FMNL2: variants seen among roughly 807,000 people sequenced by gnomAD.
FMNL2 encodes formin-like protein 2.
FMNL2 carries 51 observed loss-of-function variants against 130.2 expected under a neutral mutation model. The observed-to-expected ratio is 0.39, with a 90% CI of 0.31 to 0.49. The LOEUF (loss-of-function observed/expected upper bound fraction) is 0.49, where lower values mean the gene tolerates loss of function less well. FMNL2 is among the 20% of genes least tolerant of loss of function. The probability of loss-of-function intolerance (pLI) is 0.85; values close to 1 mark genes in which losing one functional copy is unlikely to be tolerated. For synonymous variants in FMNL2, 465 were observed against 467.1 expected (o/e 1.00, Z 0.06); for missense variants, 977 against 1,316.2 (o/e 0.74, Z 3.99).
chr2:152,559,439 G>A (rs1478525744), intron 5 of FMNL2, among the ~76,000 whole-genome samples: 1 of 152,140 alleles, frequency 6.6e-6, no homozygotes, highest in Non-Finnish European at 1.5e-5. Context: ...GAGAAGCTGG[G>A]ATTACAGGCA....
chr2:152,354,131 T>G (rs1284957217), intron 1 of FMNL2, among the ~76,000 whole-genome samples: 1 of 152,168 alleles, frequency 6.6e-6, no homozygotes, highest in Non-Finnish European at 1.5e-5. Context: ...CTAATGGAAG[T>G]GCTAGTGTTT....
intron 1 of FMNL2, among the ~76,000 whole-genome samples, chr2:152,497,266 C>T (rs1691565686): frequency 6.6e-6 from 1 of 152,130 alleles, no homozygotes; most frequent in Non-Finnish European, 1.5e-5. Context: ...AGAATGCTAA[C>T]ACATACCCCA....
At chr2:152,432,449 A>G (rs1234479670) in intron 1 of FMNL2, among the ~76,000 whole-genome samples, 1 of 152,212 alleles carries the variant, frequency 6.6e-6, no homozygotes, top group African/African-American at 2.4e-5. Context: ...ACCAGGAAAC[A>G]CACATGCATG....
chr2:152,627,421 CTAAT>C (rs1306261077), intron 17 of FMNL2, among the ~76,000 whole-genome samples: 1 of 152,172 alleles, frequency 6.6e-6, no homozygotes, highest in Non-Finnish European at 1.5e-5. Flanking sequence ...GTTTTAGGAA[CTAAT>C]TATTTATAAA....
Position 152,558,730 on chromosome 2 carries a change from T to TTTTTC in FMNL2, c.360-10_360-9insTTTTC. 7.0e-6 allele frequency: 11 copies of TTTTTC among 1,562,644 alleles called. No individual in the cohort carries two copies. The highest frequency in any genetic ancestry group is 9.6e-6 in the Non-Finnish European group (11 of 1,143,566). ...TTCTCCAATGATTTTTTTTTTTTTT[T>TTTTTC]CCCCAACAGATGGGTCAGAGAATTT... On this transcript the variant is annotated splice_polypyrimidine_tract_variant and intron_variant, in intron 4 of 25. Transcript: ENST00000288670.
chr2:152,459,026 A>C (rs546485307), intron 1 of FMNL2, among the ~76,000 whole-genome samples: 2 of 152,236 alleles, frequency 1.3e-5, no homozygotes, highest in Non-Finnish European at 2.9e-5. Context: ...ATGGTAAGAC[A>C]GTACAGTTGA....
At chr2:152,389,322 T>G (rs1671438897) in intron 1 of FMNL2, among the ~76,000 whole-genome samples, 1 of 152,162 alleles carries the variant, frequency 6.6e-6, no homozygotes, top group Admixed American at 6.5e-5. Flanking sequence ...TGCTGTATCT[T>G]CATATAGCAG....
chr2:152,430,251 C>T (rs543949383), intron 1 of FMNL2, among the ~76,000 whole-genome samples: 57 of 152,286 alleles, frequency 3.7e-4, no homozygotes, highest in Middle Eastern at 3.4e-3. Context: ...AATGAGTTCT[C>T]ACGTTAGTCC....
chr2:152,358,988 G>A (rs1683004556), intron 1 of FMNL2, among the ~76,000 whole-genome samples: 1 of 152,122 alleles, frequency 6.6e-6, no homozygotes, highest in African/African-American at 2.4e-5. Flanking sequence ...CATCCCCACA[G>A]TGTACACAGA....
chr2:152,468,954 A>G (rs972778968), intron 1 of FMNL2, among the ~76,000 whole-genome samples: 2 of 152,238 alleles, frequency 1.3e-5, no homozygotes, highest in Non-Finnish European at 2.9e-5. Flanking sequence ...ATGATGCATA[A>G]TAGACTCCAC....
At chr2:152,584,595 A>G (rs1035313503) in intron 9 of FMNL2, among the ~76,000 whole-genome samples, 3 of 152,240 alleles carry the variant, frequency 2.0e-5, no homozygotes, top group Non-Finnish European at 4.4e-5. Flanking sequence ...ACCAGATGCT[A>G]GAAAGACATT....
chr2:152,374,120 A>C (rs1432737220), intron 1 of FMNL2, among the ~76,000 whole-genome samples: 1 of 152,194 alleles, frequency 6.6e-6, no homozygotes, highest in African/African-American at 2.4e-5. Flanking sequence ...CATCTCAGTT[A>C]TGTATGTAAT....
At chr2:152,350,673 G>A (rs1467511161) in intron 1 of FMNL2, among the ~76,000 whole-genome samples, 1 of 152,196 alleles carries the variant, frequency 6.6e-6, no homozygotes, top group African/African-American at 2.4e-5. Flanking sequence ...CTACTAGCTT[G>A]TAGCTCAGAT....
chr2:152,588,727 A>G, intron 9 of FMNL2, among the ~76,000 whole-genome samples: 1 of 152,086 alleles, frequency 6.6e-6, no homozygotes, highest in Non-Finnish European at 1.5e-5. Context: ...GGGCATGGGA[A>G]GAGAAAAATT....
At chr2:152,611,345 AAACCATATATATATTTTT>A (rs1351324137) in intron 10 of FMNL2, 132 bp from the exon 11 acceptor site, 1 of 511,052 alleles carries the variant, frequency 2.0e-6, no homozygotes, top group Non-Finnish European at 3.5e-6. Flanking sequence ...TTTCCAAAAA[AAACCATATATATATTTTT>A]AAAGAACCAA....
intron 2 of FMNL2, among the ~76,000 whole-genome samples, chr2:152,540,766 C>T (rs886987918): frequency 6.6e-6 from 1 of 151,788 alleles, no homozygotes; most frequent in African/African-American, 2.4e-5. Context: ...GGGTGCAGCG[C>T]ACCAGCATGG....
At chr2:152,485,092 T>C (rs35472114) in intron 1 of FMNL2, among the ~76,000 whole-genome samples, 6,495 of 152,234 alleles carry the variant, frequency 0.043, 447 homozygotes, top group African/African-American at 0.14. Context: ...GCATGGTGGC[T>C]CCCAGCACTT....
intron 1 of FMNL2, among the ~76,000 whole-genome samples, chr2:152,453,040 A>G (rs931852593): frequency 6.6e-6 from 1 of 152,056 alleles, no homozygotes; most frequent in Non-Finnish European, 1.5e-5. Context: ...TGTCTCTACT[A>G]AAAATACAAA....
intron 1 of FMNL2, among the ~76,000 whole-genome samples, chr2:152,460,602 C>T (rs1579718629): frequency 2.0e-5 from 3 of 152,320 alleles, no homozygotes; most frequent in South Asian, 2.1e-4. Context: ...GGAACCAGGC[C>T]GCACAAGGGG....
Sources: allele counts gnomAD v4.1 joint callset (sites outside exome capture counted in the v4.1 genomes callset), GRCh38; gene constraint gnomAD v4.1.1; transcripts MANE v1.5; gene names NCBI Gene and HGNC (gene_info 2026-07-23, HGNC 2026-07-21).